The following ZWINT variants were observed in gnomAD, a reference collection of about 807,000 sequenced individuals.
ZWINT encodes the protein ZW10 interacting kinetochore protein.
In ZWINT, 41 loss-of-function variants were observed where a neutral mutation model predicts 41.5. The ratio of observed to expected loss-of-function variants is 0.99; its 90% CI spans 0.77 to 1.28. The LOEUF (loss-of-function observed/expected upper bound fraction) is 1.28, where lower values mean the gene tolerates loss of function less well. Ranked by LOEUF, ZWINT falls within the 50% of genes most tolerant of loss-of-function variation. ZWINT has a pLI of 0.00. For missense variants in ZWINT, 369 were observed against 329.7 expected (o/e 1.12, Z -0.92); for synonymous variants, 132 against 126.8 (o/e 1.04, Z -0.28).
Position 56,360,068 on chromosome 10 carries a change from T to C in ZWINT, c.206A>G (p.Gln69Arg). The C allele has an allele frequency of 6.2e-7, 1 of 1,614,182 alleles. No individual in the cohort carries two copies. Among genetic ancestry groups the C allele is most frequent in the Non-Finnish European group, 8.5e-7 (1 of 1,180,038 alleles). The change falls in exon 3 of 9, where the codon CAG becomes CGG. Residue 69 changes from glutamine to arginine, a missense_variant. By Grantham distance (43) the Gln-to-Arg change is conservative. Transcript: ENST00000373944. Reference protein sequence around the residue: ...VADFLQNILAQEDTAKGLDPL... With the variant: ...VADFLQNILAREDTAKGLDPL... ...GTCGAGACCCTTAGCAGTGTCCTCC[T>C]GAGCCAGGATGTTCTGCAGGAAATC...
Position 56,357,661 on chromosome 10 carries a change from A to C in ZWINT, c.*566T>G, listed in dbSNP as rs777187722. Reference sequence around the variant, plus strand: ...ATCTTTGAAAAGAATATAATAAATGAACATCTGAAACCAGTGATCGAGAAA... The same window carrying C: ...ATCTTTGAAAAGAATATAATAAATGCACATCTGAAACCAGTGATCGAGAAA... On this transcript the variant is annotated 3_prime_UTR_variant, in exon 9 of 9. Transcript: ENST00000373944. The C allele has an allele frequency of 3.3e-5, 6 of 179,128 alleles. No homozygotes were observed. The highest frequency in any genetic ancestry group is 7.1e-5 in the Non-Finnish European group (6 of 84,118). 11.1% of individuals were successfully genotyped at this position (179,128 alleles called of 1,614,324 possible).
At position 56,358,167 on chromosome 10, in the gene ZWINT, G is replaced by A. The variant is rs1422953965; in HGVS notation, c.*60C>T. On this transcript the variant is annotated 3_prime_UTR_variant, in exon 9 of 9. Coordinates refer to ENST00000373944, the MANE Select transcript of ZWINT (RefSeq NM_007057.4). ...GTCTTTCCTGTAATGATGGTTGGGA[G>A]GTGAGGGAAGTCAGAGGCCTGGGGA... is the stretch of plus-strand genomic sequence containing the variant. The A allele has an allele frequency of 4.1e-6, 3 of 738,264 alleles. No homozygotes were observed. The Admixed American group carries it at 5.2e-5, about 13-fold the overall frequency. 45.7% of individuals were successfully genotyped at this position (738,264 alleles called of 1,614,324 possible).
In ZWINT at chr10:56,357,634, G is replaced by C. The variant is rs974189749; in HGVS notation, c.*593C>G. 1 of 167,540 alleles carries C rather than the reference G, an allele frequency of 6.0e-6. No individual in the cohort carries two copies. Among genetic ancestry groups the C allele is most frequent in the African/African-American group, 2.4e-5 (1 of 41,500 alleles). The allele number at this position is 167,540 out of a possible 1,614,324, so 10.4% of individuals were successfully genotyped here. On this transcript the variant is annotated 3_prime_UTR_variant, in exon 9 of 9. Coordinates refer to ENST00000373944, the MANE Select transcript of ZWINT (RefSeq NM_007057.4). The stretch of plus-strand genomic sequence containing the variant: ...TAGTGGATGACAAAAGCCAATCTCT[G>C]AATCTTTGAAAAGAATATAATAAAT...
Position 56,357,898 on chromosome 10 carries a change from T to C in ZWINT, c.*329A>G. ...CATTCTCCTCCTCCTTGAATTAAAT[T>C]CACCATGTCTGCATCATAGGAGGCC... is the stretch of plus-strand genomic sequence containing the variant. On this transcript the variant is annotated 3_prime_UTR_variant, in exon 9 of 9. Coordinates refer to ENST00000373944, the MANE Select transcript of ZWINT (RefSeq NM_007057.4). 2.8e-6 allele frequency: 1 copy of C among 357,906 alleles called. No individual in the cohort carries two copies. Among genetic ancestry groups the C allele is most frequent in the Non-Finnish European group, 5.5e-6 (1 of 181,238 alleles). The allele number at this position is 357,906 out of a possible 1,614,324, so 22.2% of individuals were successfully genotyped here. A position where few individuals can be genotyped will look rare whatever the true frequency, so the allele number is the denominator to read the frequency against.
chr10:56,359,399 G>A, intron 5 of ZWINT, 77 bp downstream of exon 5: 1 of 1,413,382 alleles, frequency 7.1e-7, no homozygotes, highest in Admixed American at 2.3e-5. Flanking sequence ...AAGCAAAACG[G>A]TTTTCTAGAC....
intron 5 of ZWINT, among the ~76,000 whole-genome samples, chr10:56,359,208 G>C (rs1017505173): frequency 6.6e-6 from 1 of 152,176 alleles, no homozygotes; most frequent in African/African-American, 2.4e-5. Context: ...CTATTTTAAA[G>C]TCCTTGCTGT....
rs1166016002 is a variant in ZWINT, at chr10:56,357,939, C to T, written c.*288G>A. On this transcript the variant is annotated 3_prime_UTR_variant, in exon 9 of 9. Coordinates refer to ENST00000373944, the MANE Select transcript of ZWINT (RefSeq NM_007057.4). The stretch of plus-strand genomic sequence containing the variant: ...ATAGGAGGCCCAAGGCCAGTACCCC[C>T]TCCCCATCTGCACACCCTGTGTTCA... 1 of 410,924 alleles carries T rather than the reference C, an allele frequency of 2.4e-6. No individual in the cohort carries two copies. The highest frequency in any genetic ancestry group is 3.9e-4 in the Middle Eastern group (1 of 2,552). 25.5% of individuals were successfully genotyped at this position (410,924 alleles called of 1,614,324 possible).
Position 56,360,082 on chromosome 10 carries a change from C to T in ZWINT, c.192G>A (p.Gln64=). 5 of 1,614,150 alleles carry T rather than the reference C, an allele frequency of 3.1e-6. No homozygotes were observed. The highest frequency in any genetic ancestry group is 4.2e-6 in the Non-Finnish European group (5 of 1,180,028). The change falls in exon 3 of 9, where the codon CAG becomes CAA. Residue 64 remains glutamine, a synonymous_variant. Coordinates refer to ENST00000373944, the MANE Select transcript of ZWINT (RefSeq NM_007057.4). Reference sequence around the variant, plus strand: ...CAGTGTCCTCCTGAGCCAGGATGTTCTGCAGGAAATCCGCTACCTGAAGCT... The same window carrying T: ...CAGTGTCCTCCTGAGCCAGGATGTTTTGCAGGAAATCCGCTACCTGAAGCT... The part of the protein sequence containing the change: ...CSQLQVADFL[Q]NILAQEDTAK...
At chr10:56,360,694 T>A (rs1207797218) in intron 1 of ZWINT, among the ~76,000 whole-genome samples, 1 of 152,080 alleles carries the variant, frequency 6.6e-6, no homozygotes, top group Non-Finnish European at 1.5e-5. Context: ...TGAGTCAAGA[T>A]GTGAAGGAAG....
chr10:56,359,225 C>G (rs964612379), intron 5 of ZWINT, among the ~76,000 whole-genome samples: 11 of 152,158 alleles, frequency 7.2e-5, no homozygotes, highest in African/African-American at 2.4e-4. Flanking sequence ...CTGTAATGAT[C>G]ATTTAATCAT....
chr10:56,359,072 ACT>A, intron 5 of ZWINT, 125 bp from the exon 6 acceptor site: 6 of 1,214,458 alleles, frequency 4.9e-6, no homozygotes, highest in Non-Finnish European at 6.8e-6. Flanking sequence ...GACTCTATTC[ACT>A]TCAGGGTGGA....
Position 56,358,161 on chromosome 10 carries a change from T to C in ZWINT, c.*66A>G, listed in dbSNP as rs576233060. ...TTCACAGTCTTTCCTGTAATGATGG[T>C]TGGGAGGTGAGGGAAGTCAGAGGCC... is the stretch of plus-strand genomic sequence containing the variant. On this transcript the variant is annotated 3_prime_UTR_variant, in exon 9 of 9. Transcript: ENST00000373944. 2.7e-6 allele frequency: 2 copies of C among 729,646 alleles called. No homozygotes were observed. The highest frequency in any genetic ancestry group is 1.7e-5 in the Admixed American group (1 of 57,388). The allele number at this position is 729,646 out of a possible 1,614,324, so 45.2% of individuals were successfully genotyped here.
intron 2 of ZWINT, 70 bp downstream of exon 2, chr10:56,360,223 C>T: frequency 6.2e-7 from 1 of 1,611,072 alleles, no homozygotes; most frequent in Non-Finnish European, 8.5e-7. Flanking sequence ...CAGTGCTGCC[C>T]TGTATCTCAG....
chr10:56,359,069 T>C (rs1838251695), intron 5 of ZWINT, 122 bp from the exon 6 acceptor site: 2 of 1,246,776 alleles, frequency 1.6e-6, no homozygotes, highest in South Asian at 2.9e-5. Flanking sequence ...AGGGACTCTA[T>C]TCACTTCAGG....
rs368598522 is a variant in ZWINT at position 56,360,276 on chromosome 10, T to C, written c.132+17A>G. On this transcript the variant is annotated intron_variant, in intron 2 of 8. Transcript: ENST00000373944. ...AGACCCTGGCTTCTGAAAGGCTCGC[T>C]CTCATCTTGTACATACCACCACAAA... 3.7e-6 allele frequency: 6 copies of C among 1,613,916 alleles called. No homozygotes were observed. The highest frequency in any genetic ancestry group is 5.1e-6 in the Non-Finnish European group (6 of 1,179,876).
chr10:56,357,486 A>C lies in ZWINT; in HGVS notation c.*741T>G, dbSNP rs892282183. 4 of 152,404 alleles carry C rather than the reference A, an allele frequency of 2.6e-5. No homozygotes were observed. The highest frequency in any genetic ancestry group is 4.8e-5 in the African/African-American group (2 of 41,458). 9.4% of individuals were successfully genotyped at this position (152,404 alleles called of 1,614,324 possible). A position where few individuals can be genotyped will look rare whatever the true frequency, so the allele number is the denominator to read the frequency against. On this transcript the variant is annotated 3_prime_UTR_variant, in exon 9 of 9. Transcript: ENST00000373944. ...TTTGAGAAAACAAATAAAGATCCAA[A>C]TACGTGAGTTGATCATCTGATAAAA...
intron 8 of ZWINT, 68 bp downstream of exon 8, chr10:56,358,309 G>C: frequency 7.6e-7 from 1 of 1,314,354 alleles, no homozygotes; most frequent in South Asian, 1.2e-5. Context: ...TGCAGAGAGA[G>C]GTAAACCAGG....
Position 56,358,958 on chromosome 10 carries a change from T to C in ZWINT, c.481-11A>G. 3 of 1,613,548 alleles carry C rather than the reference T, an allele frequency of 1.9e-6. No individual in the cohort carries two copies. The highest frequency in any genetic ancestry group is 1.1e-5 in the South Asian group (1 of 91,014). On this transcript the variant is annotated splice_polypyrimidine_tract_variant and intron_variant, in intron 5 of 8. Transcript: ENST00000373944. Reference sequence around the variant, plus strand: ...CTGCAGATGCTTCTCCTGCCAGGAGTGAGCATGCAGACATTATGCATCAGA... The same window carrying C: ...CTGCAGATGCTTCTCCTGCCAGGAGCGAGCATGCAGACATTATGCATCAGA...
rs1337028943 is a variant in ZWINT at position 56,358,916 on chromosome 10, G to A, written c.512C>T (p.Ser171Phe). ...EKHLQHLAEV[S>F]AEVRERKTGT... is the part of the protein sequence containing the mutation. ...TGTCTTACGCTCCCTCACCTCTGCA[G>A]AAACCTCCGCCAGATGCTGCAGATG... Residue 171 changes from serine to phenylalanine, a missense_variant, in exon 6 of 9, where the codon TCT becomes TTT. Physicochemically the swap from Ser to Phe is radical, Grantham distance 155 (BLOSUM62 -2). Transcript: ENST00000373944. 1 of 1,614,140 alleles carries A rather than the reference G, an allele frequency of 6.2e-7. No homozygotes were observed. The highest frequency in any genetic ancestry group is 8.5e-7 in the Non-Finnish European group (1 of 1,180,028).
Sources: allele counts gnomAD v4.1 joint callset (sites outside exome capture counted in the v4.1 genomes callset), GRCh38; gene constraint gnomAD v4.1.1; transcripts MANE v1.5; gene names NCBI Gene and HGNC (gene_info 2026-07-23, HGNC 2026-07-21).